RALGAPA2: variants seen among roughly 807,000 people sequenced by gnomAD.
The protein encoded by RALGAPA2 is Ral GTPase activating protein catalytic subunit alpha 2.
Under a neutral mutation model 230.4 loss-of-function variants are expected in RALGAPA2, and 139 were observed. That is an observed-to-expected ratio of 0.60 (90% CI 0.53 to 0.69). The LOEUF (loss-of-function observed/expected upper bound fraction) is 0.69. RALGAPA2 is among the 30% of genes least tolerant of loss of function. The pLI, the probability that RALGAPA2 is intolerant of heterozygous loss-of-function variation, is 0.00. For synonymous variants in RALGAPA2, 847 were observed against 837.8 expected (o/e 1.01, Z -0.19); for missense variants, 2,163 against 2,276.0 (o/e 0.95, Z 1.01).
intron 38 of RALGAPA2, among the ~76,000 whole-genome samples, chr20:20,410,084 T>C (rs1316654548): frequency 4.6e-5 from 7 of 152,338 alleles, no homozygotes; most frequent in Admixed American, 3.3e-4. Context: ...AGAGTTCCAA[T>C]GCCCACCCTC....
rs2063480751 is a variant in RALGAPA2, at chr20:20,535,763, T to C, written c.3455A>G (p.Glu1152Gly). The C allele has an allele frequency of 9.0e-6, 14 of 1,548,784 alleles. No individual in the cohort carries two copies. Among genetic ancestry groups the C allele is most frequent in the Non-Finnish European group, 1.2e-5 (14 of 1,145,766 alleles). Residue 1152 changes from glutamate to glycine, a missense_variant, in exon 26 of 40, where the codon GAA becomes GGA. Glu to Gly is a moderately conservative substitution (Grantham distance 98). Coordinates refer to ENST00000202677, the MANE Select transcript of RALGAPA2 (RefSeq NM_020343.4). ...INILLKNATE[E>G]PNEYARCIAV... ...CATTTACCTTGCATATTCATTTGGT[T>C]CTTCTGTGGCATTCTTCAGTAAAAT...
chr20:20,452,908 G>T (rs1469322703), intron 37 of RALGAPA2, among the ~76,000 whole-genome samples: 4 of 152,210 alleles, frequency 2.6e-5, no homozygotes, highest in Non-Finnish European at 4.4e-5. Flanking sequence ...CAGGCACTGG[G>T]GTGGTGGGGA....
chr20:20,493,518 T>C (rs1327887698), intron 36 of RALGAPA2, among the ~76,000 whole-genome samples: 1 of 152,172 alleles, frequency 6.6e-6, no homozygotes, highest in East Asian at 1.9e-4. Context: ...ATCAAAAAAA[T>C]CACTTTTGAT....
chr20:20,533,469 A>C (rs1477910152), intron 26 of RALGAPA2, among the ~76,000 whole-genome samples: 1 of 152,206 alleles, frequency 6.6e-6, no homozygotes, highest in East Asian at 1.9e-4. Flanking sequence ...TTACGCAACT[A>C]ATCACATAGC....
intron 37 of RALGAPA2, among the ~76,000 whole-genome samples, chr20:20,449,238 G>C (rs1018745278): frequency 6.6e-6 from 1 of 152,174 alleles, no homozygotes; most frequent in African/African-American, 2.4e-5. Context: ...CTGCAACATG[G>C]TAACAAGAAG....
intron 1 of RALGAPA2, among the ~76,000 whole-genome samples, chr20:20,695,238 C>A (rs1436672057): frequency 6.6e-6 from 1 of 152,214 alleles, no homozygotes; most frequent in African/African-American, 2.4e-5. Flanking sequence ...TGTAACAGCA[C>A]ATACATGGTA....
In RALGAPA2 at chr20:20,495,205, A is replaced by G; in HGVS notation, c.5279T>C (p.Ile1760Thr). ...AACATCTCCAAAGGCAGTTGGGATA[A>G]TACCCCTGCGGTAGTCTCTGGAGTG... Reference protein sequence around the residue: ...SEHSRDYRRGIIPTAFGDVSI... With the variant: ...SEHSRDYRRGTIPTAFGDVSI... The change falls in exon 36 of 40, where the codon ATT (isoleucine) becomes ACT (threonine). Residue 1760 changes from isoleucine (I) to threonine (T), a missense_variant. By Grantham distance (89) the Ile-to-Thr change is moderately conservative. Transcript: ENST00000202677. The G allele has an allele frequency of 6.2e-7, 1 of 1,611,118 alleles. No homozygotes were observed. The highest frequency in any genetic ancestry group is 8.5e-7 in the Non-Finnish European group (1 of 1,177,440).
At chr20:20,470,760 T>C (rs866837285) in intron 37 of RALGAPA2, among the ~76,000 whole-genome samples, 1 of 152,242 alleles carries the variant, frequency 6.6e-6, no homozygotes, top group Non-Finnish European at 1.5e-5. Flanking sequence ...CTATTTAATG[T>C]TATTCTAACA....
Position 20,485,695 on chromosome 20 carries a change from T to C in RALGAPA2, c.5367+9422A>G, listed in dbSNP as rs545454656. On this transcript the variant is annotated intron_variant, in intron 36 of 39. Transcript: ENST00000202677. ...AAATAACACTATACTGCTTCACAGA[T>C]AGTGGAAGTTCCTTATAAGAGAGTA... 4.6e-5 allele frequency among the ~76,000 whole-genome samples: 7 copies of C among 152,336 alleles called. No individual in the cohort carries two copies. The South Asian group carries it at 8.3e-4, about 18-fold the overall frequency.
At chr20:20,521,177 C>A in intron 30 of RALGAPA2, 77 bp from the exon 31 acceptor site, 1 of 1,279,080 alleles carries the variant, frequency 7.8e-7, no homozygotes, top group Non-Finnish European at 1.1e-6. Context: ...ACTACTGCAG[C>A]ACTTGGCAGC....
At chr20:20,701,387 G>A (rs1044852872) in intron 1 of RALGAPA2, among the ~76,000 whole-genome samples, 3 of 152,306 alleles carry the variant, frequency 2.0e-5, no homozygotes, top group South Asian at 2.1e-4. Flanking sequence ...AGCTGCTCAG[G>A]TTCTCTATGC....
intron 38 of RALGAPA2, among the ~76,000 whole-genome samples, chr20:20,401,977 G>C (rs939568035): frequency 6.6e-6 from 1 of 152,240 alleles, no homozygotes; most frequent in Non-Finnish European, 1.5e-5. Context: ...CCTTCAGGGA[G>C]GGACATTTTG....
At chr20:20,664,226 T>G (rs1051632506) in intron 3 of RALGAPA2, among the ~76,000 whole-genome samples, 1 of 152,198 alleles carries the variant, frequency 6.6e-6, no homozygotes, top group African/African-American at 2.4e-5. Context: ...CCGTATTAAG[T>G]AGTAAAATGT....
chr20:20,410,733 A>C (rs905684179), intron 38 of RALGAPA2, among the ~76,000 whole-genome samples: 41 of 152,260 alleles, frequency 2.7e-4, no homozygotes, highest in Admixed American at 2.3e-3. Context: ...ACATTAATCA[A>C]AGCTTTAAGT....
intron 37 of RALGAPA2, among the ~76,000 whole-genome samples, chr20:20,427,344 G>GTCT (rs1348635919): frequency 1.3e-5 from 2 of 152,086 alleles, no homozygotes; most frequent in African/African-American, 4.8e-5. Flanking sequence ...AATCCCTGTG[G>GTCT]GTTAGAGCAG....
chr20:20,678,871 GCT>G (rs1014762920), intron 2 of RALGAPA2, among the ~76,000 whole-genome samples: 1 of 151,984 alleles, frequency 6.6e-6, no homozygotes, highest in Non-Finnish European at 1.5e-5. Flanking sequence ...ACACTGATGA[GCT>G]CTTACTCCCC....
In RALGAPA2 at chr20:20,601,878, C is replaced by T. The variant is rs147671552; in HGVS notation, c.2039-32G>A. The T allele has an allele frequency of 4.4e-4, 684 of 1,543,820 alleles. 5 individuals carry two copies. The African/African-American group carries it at 8.0e-3, about 18-fold the overall frequency. On this transcript the variant is annotated intron_variant, in intron 15 of 39. Transcript: ENST00000202677. Reference sequence around the variant, plus strand: ...AAGGAAAAGAAAAATAATCTAAAGGCTGAATTCATTATTATTCATTTCACG... The same window carrying T: ...AAGGAAAAGAAAAATAATCTAAAGGTTGAATTCATTATTATTCATTTCACG...
rs986717961 is a variant in RALGAPA2, at chr20:20,412,084, C to T, written c.5560G>A (p.Glu1854Lys). Residue 1854 changes from glutamate (E) to lysine (K), a missense_variant, in exon 38 of 40, where the codon GAG becomes AAG. Glu to Lys is a moderately conservative substitution (Grantham distance 56, BLOSUM62 1). Transcript: ENST00000202677. ...IQNHREVMTFEDFAAQVFSPS... is the reference protein window; with the variant it reads ...IQNHREVMTFKDFAAQVFSPS... ...GAAAAGACTTGGGCTGCGAAATCCT[C>T]GAATGTCATTACTTCGCGGTGGTTC... 5.0e-6 allele frequency: 8 copies of T among 1,613,758 alleles called. No individual in the cohort carries two copies. The highest frequency in any genetic ancestry group is 4.2e-6 in the Non-Finnish European group (5 of 1,179,852).
intron 35 of RALGAPA2, among the ~76,000 whole-genome samples, chr20:20,500,476 A>G (rs1284253775): frequency 1.3e-5 from 2 of 152,262 alleles, no homozygotes; most frequent in African/African-American, 4.8e-5. Context: ...ATCCATAAGA[A>G]GCAACTTTTC....
Sources: gnomAD v4.1 joint callset for allele counts (sites outside exome capture counted in the v4.1 genomes callset) on GRCh38, gnomAD v4.1.1 for gene constraint, MANE v1.5 for transcripts, NCBI Gene and HGNC (gene_info 2026-07-23, HGNC 2026-07-21) for gene names.